Variants in CLNK observed in about 807,000 individuals in gnomAD.
CLNK encodes the protein cytokine-dependent hematopoietic cell linker.
In CLNK, 74 loss-of-function variants were observed where a neutral mutation model predicts 68.6. The ratio of observed to expected loss-of-function variants is 1.08; its 90% CI spans 0.89 to 1.31. The LOEUF is 1.31. CLNK is among the 50% of genes most tolerant of loss of function. The pLI is 0.00. For synonymous variants in CLNK, 198 were observed against 172.2 expected, an observed-to-expected ratio of 1.15 and a Z score of -1.17; for missense variants, 553 against 515.3, an observed-to-expected ratio of 1.07 and a Z score of -0.71.
chr4:10,642,140 G>T (rs150906284), intron 2 of CLNK, among the ~76,000 whole-genome samples: 1 of 152,122 alleles, frequency 6.6e-6, no homozygotes, highest in Non-Finnish European at 1.5e-5. Flanking sequence ...AAAGGCAAAG[G>T]CATAAATCAA....
At chr4:10,703,758 T>C in the CLNK span, among the ~76,000 whole-genome samples, 2 of 152,214 alleles carry the variant, frequency 1.3e-5, no homozygotes, top group Admixed American at 6.6e-5. Context: ...ATGTATAGCA[T>C]GTTACTATAC....
chr4:10,670,636 G>T (rs575989540), intron 1 of CLNK, among the ~76,000 whole-genome samples: 1 of 152,096 alleles, frequency 6.6e-6, no homozygotes, highest in East Asian at 1.9e-4. Context: ...CTGGGCTTTC[G>T]TTTCTTCACC....
At chr4:10,724,384 T>C in the CLNK span, among the ~76,000 whole-genome samples, 1 of 152,192 alleles carries the variant, frequency 6.6e-6, no homozygotes, top group Non-Finnish European at 1.5e-5. Context: ...TGCTCAGAAT[T>C]TGAATCCTTC....
chr4:10,676,980 AT>A (rs10647095), intron 1 of CLNK, among the ~76,000 whole-genome samples: 176 of 143,450 alleles, frequency 1.2e-3, no homozygotes, highest in Non-Finnish European at 1.4e-3. Context: ...TCTCGCCCCT[AT>A]TTTTTTTTTT....
rs187801990 is a variant in CLNK at position 10,660,238 on chromosome 4, A to T, written c.11+7621T>A. ...ATGATTATGTTAATTGAATTTGTCA[A>T]ATTAGTTCATGAGTTGTGTTGTTTT... On this transcript the variant is annotated intron_variant, in intron 2 of 18. Coordinates refer to ENST00000226951, the MANE Select transcript of CLNK (RefSeq NM_052964.4). Among the ~76,000 whole-genome samples the T allele has an allele frequency of 2.0e-5, 3 of 152,314 alleles. 1 individual carries two copies. The East Asian group carries it at 5.8e-4, about 29-fold the overall frequency.
chr4:10,692,433 C>G, the CLNK span, among the ~76,000 whole-genome samples: 8 of 152,170 alleles, frequency 5.3e-5, no homozygotes, highest in Admixed American at 2.6e-4. Context: ...TAAGCCTGAA[C>G]TTCTTTGCAC....
intron 2 of CLNK, among the ~76,000 whole-genome samples, chr4:10,661,166 C>T (rs1724178478): frequency 6.6e-6 from 1 of 152,162 alleles, no homozygotes; most frequent in Non-Finnish European, 1.5e-5. Flanking sequence ...GGGTTGTTCA[C>T]ACATGTCATG....
chr4:10,718,489 T>C, the CLNK span, among the ~76,000 whole-genome samples: 1 of 70,474 alleles, frequency 1.4e-5, no homozygotes, highest in Non-Finnish European at 3.0e-5. Context: ...TGGCACAATA[T>C]TTTTTAAGTC....
chr4:10,711,896 G>A, the CLNK span, among the ~76,000 whole-genome samples: 4 of 152,174 alleles, frequency 2.6e-5, no homozygotes, highest in Non-Finnish European at 5.9e-5. Flanking sequence ...AGAAATTTCA[G>A]AAATACTCTT....
At chr4:10,602,315 G>A (rs1349898128) in intron 2 of CLNK, among the ~76,000 whole-genome samples, 8 of 152,176 alleles carry the variant, frequency 5.3e-5, no homozygotes, top group Non-Finnish European at 1.2e-4. Flanking sequence ...GTACCAAGGT[G>A]TATGTCTACC....
At chr4:10,612,164 C>T (rs1722057535) in intron 2 of CLNK, among the ~76,000 whole-genome samples, 1 of 152,240 alleles carries the variant, frequency 6.6e-6, no homozygotes, top group Admixed American at 6.5e-5. Context: ...AACCTACCCA[C>T]ATCTCTCAGC....
At position 10,655,330 on chromosome 4, in the gene CLNK, A is replaced by G. The variant is rs9685682; in HGVS notation, c.11+12529T>C. On this transcript the variant is annotated intron_variant, in intron 2 of 18. Coordinates refer to ENST00000226951, the MANE Select transcript of CLNK (RefSeq NM_052964.4). ...AAGTAATTCCGGCCTAAAACCCCCA[A>G]AGACAGAGAGAGAGAGAGAGAGAGA... is the stretch of plus-strand genomic sequence containing the variant. Among the ~76,000 whole-genome samples, 568 of 77,778 alleles carry G rather than the reference A, an allele frequency of 7.3e-3. 6 individuals are homozygous for G. Among genetic ancestry groups the G allele is most frequent in the African/African-American group, 0.022 (520 of 23,980 alleles). 51.0% of individuals were successfully genotyped at this position (77,778 alleles called of 152,430 possible).
the CLNK span, among the ~76,000 whole-genome samples, chr4:10,701,361 CT>C: frequency 1.3e-5 from 2 of 152,312 alleles, no homozygotes; most frequent in Middle Eastern, 6.8e-3. Context: ...CCTGACCCCC[CT>C]TTATCAGACT....
chr4:10,709,203 T>G, the CLNK span, among the ~76,000 whole-genome samples: 2 of 152,318 alleles, frequency 1.3e-5, no homozygotes, highest in East Asian at 1.9e-4. Flanking sequence ...CTTGAAAGAC[T>G]CAAAAAACTT....
chr4:10,706,442 A>C, the CLNK span, among the ~76,000 whole-genome samples: 3 of 152,244 alleles, frequency 2.0e-5, no homozygotes, highest in African/African-American at 7.2e-5. Flanking sequence ...GTGTATAGAT[A>C]GAGATGCCAA....
intron 5 of CLNK, among the ~76,000 whole-genome samples, chr4:10,567,493 T>C (rs1235720689): frequency 6.6e-6 from 1 of 152,164 alleles, no homozygotes; most frequent in African/African-American, 2.4e-5. Context: ...CCTTAAAATA[T>C]TGGAGTAAAT....
intron 11 of CLNK, among the ~76,000 whole-genome samples, chr4:10,534,613 T>G (rs780296194): frequency 1.3e-4 from 20 of 152,202 alleles, no homozygotes; most frequent in Non-Finnish European, 2.8e-4. Context: ...TTGCTGAAGA[T>G]TCTAATGAAA....
intron 14 of CLNK, among the ~76,000 whole-genome samples, chr4:10,521,632 G>C (rs1479894566): frequency 6.6e-6 from 1 of 152,196 alleles, no homozygotes; most frequent in African/African-American, 2.4e-5. Context: ...TCTGGTTTAT[G>C]TTGTCACCAT....
intron 8 of CLNK, among the ~76,000 whole-genome samples, chr4:10,555,724 TATG>T (rs1183643236): frequency 6.6e-6 from 1 of 152,244 alleles, no homozygotes; most frequent in Non-Finnish European, 1.5e-5. Context: ...TGTTTTATTC[TATG>T]ATATTTTTGT....
Sources: allele counts gnomAD v4.1 joint callset (sites outside exome capture counted in the v4.1 genomes callset), GRCh38; gene constraint gnomAD v4.1.1; transcripts MANE v1.5; gene names NCBI Gene and HGNC (gene_info 2026-07-23, HGNC 2026-07-21).